Variants in EXOSC10 observed in about 807,000 individuals in gnomAD.
EXOSC10 encodes exosome component 10, also known as exosome complex component 10.
A neutral mutation model predicts 126.6 loss-of-function variants in EXOSC10; 94 were observed. The observed-to-expected ratio is 0.74, with a 90% CI of 0.63 to 0.88. The LOEUF (loss-of-function observed/expected upper bound fraction) is 0.88, where lower values mean the gene tolerates loss of function less well. EXOSC10 is among the 40% of genes least tolerant of loss of function. EXOSC10 has a pLI of 0.00. For missense variants in EXOSC10, 1,041 were observed against 1,100.5 expected (o/e 0.95, Z 0.77); for synonymous variants, 395 against 400.8 (o/e 0.99, Z 0.17).
At chr1:11,070,521 CAAAAAA>C (rs70977541) in intron 21 of EXOSC10, 5,428 of 112,738 alleles carry the variant, frequency 0.048, 193 homozygotes, top group African/African-American at 0.12. Context: ...GACACTACTT[CAAAAAA>C]AAAAAAAAAA....
chr1:11,081,062 T>C lies in EXOSC10; in HGVS notation c.1437+20A>G. On this transcript the variant is annotated intron_variant, in intron 11 of 24. Transcript: ENST00000376936. ...CAGAGCCCAAGTGTCGCGGTCTGTGTGACTGCGGCTGAGGTGTACCTTGAG... is the reference window on the plus strand; with the variant it reads ...CAGAGCCCAAGTGTCGCGGTCTGTGCGACTGCGGCTGAGGTGTACCTTGAG... The C allele has an allele frequency of 1.2e-6, 2 of 1,613,368 alleles. No homozygotes were observed. The highest frequency in any genetic ancestry group is 1.7e-6 in the Non-Finnish European group (2 of 1,179,504).
intron 6 of EXOSC10, among the ~76,000 whole-genome samples, chr1:11,088,447 A>T (rs542781893): frequency 5.9e-5 from 9 of 152,342 alleles, no homozygotes; most frequent in Admixed American, 5.9e-4. Flanking sequence ...GCAGCTTTAT[A>T]AAGATTTGAG....
intron 14 of EXOSC10, among the ~76,000 whole-genome samples, chr1:11,078,225 A>C (rs1166362884): frequency 1.3e-5 from 2 of 151,194 alleles, no homozygotes; most frequent in African/African-American, 4.9e-5. Flanking sequence ...TGATTGCACC[A>C]CTGCACTCCA....
At chr1:11,072,252 A>G in intron 19 of EXOSC10, 81 bp from the exon 20 acceptor site, 1 of 998,334 alleles carries the variant, frequency 1.0e-6, no homozygotes, top group South Asian at 1.4e-5. Flanking sequence ...GAGGTGACGA[A>G]GGGCAGGTTA....
chr1:11,068,758 A>G, intron 22 of EXOSC10, 52 bp from the exon 23 acceptor site: 1 of 1,425,736 alleles, frequency 7.0e-7, no homozygotes, highest in South Asian at 1.1e-5. Flanking sequence ...GAGTTACCAC[A>G]CATCACAGGC....
At chr1:11,099,569 G>A (rs979455565) in intron 1 of EXOSC10, 152 bp downstream of exon 1, 18 of 785,058 alleles carry the variant, frequency 2.3e-5, no homozygotes, top group Admixed American at 6.4e-5. Context: ...TCCCCGGAGG[G>A]TGCAGGAGAG....
At chr1:11,078,404 C>G (rs1289392884) in intron 14 of EXOSC10, among the ~76,000 whole-genome samples, 1 of 151,642 alleles carries the variant, frequency 6.6e-6, no homozygotes, top group Non-Finnish European at 1.5e-5. Flanking sequence ...ACTACAGGCG[C>G]CCGCCACTAC....
intron 22 of EXOSC10, chr1:11,069,042 C>T (rs930360687): frequency 8.5e-6 from 3 of 352,492 alleles, no homozygotes; most frequent in East Asian, 5.9e-5. Flanking sequence ...AGGCGACACT[C>T]CTGTATAAAG....
chr1:11,072,579 A>C, intron 19 of EXOSC10: 1 of 174,514 alleles, frequency 5.7e-6, no homozygotes, highest in East Asian at 1.6e-4. Flanking sequence ...ATGACACCCC[A>C]CGGACCTATG....
In EXOSC10 at chr1:11,095,758, C is replaced by T; in HGVS notation, c.372G>A (p.Val124=). 6.2e-7 allele frequency: 1 copy of T among 1,613,776 alleles called. No individual in the cohort carries two copies. The highest frequency in any genetic ancestry group is 1.1e-5 in the South Asian group (1 of 91,062). Residue 124 remains valine (V), a splice_region_variant and synonymous_variant, in exon 3 of 25, where the codon GTG becomes GTA. Transcript: ENST00000376936. ...AAAAAGAGTAAGGGAAAATACTCAC[C>T]ACTCTCTCCAGAATTACATCATTGG... ...VDANDVILER[V]GILLDEASGV...
rs563214059 is a variant in EXOSC10 at position 11,072,135 on chromosome 1, G to A, written c.2194C>T (p.Gln732Ter). Residue 732 changes from glutamine (Q) to a stop codon, truncating the protein, a stop_gained, in exon 20 of 25, where the codon CAA (glutamine) becomes TAA (stop). Transcript: ENST00000376936. LOFTEE classifies it high-confidence loss of function. ...NRWKLAQVQV[Q>*]KDSKEAVKKK... ...TTGACAGCTTCTTTAGAGTCTTTTT[G>A]TACTTGTACCTGGGCCAGCTTCCAG... is the stretch of plus-strand genomic sequence containing the variant. 6.2e-7 allele frequency: 1 copy of A among 1,613,700 alleles called. No homozygotes were observed. The highest frequency in any genetic ancestry group is 1.1e-5 in the South Asian group (1 of 90,992).
intron 3 of EXOSC10, among the ~76,000 whole-genome samples, chr1:11,094,645 G>A (rs1425372310): frequency 1.4e-5 from 2 of 146,246 alleles, no homozygotes; most frequent in Non-Finnish European, 3.0e-5. Context: ...CTGTCATCCA[G>A]GCTGGAGTGC....
chr1:11,072,068 G>A lies in EXOSC10; in HGVS notation c.2242+19C>T. On this transcript the variant is annotated intron_variant, in intron 20 of 24. Transcript: ENST00000376936. ...CCATTCTTTAACAGCCGACTGAGTT[G>A]CAAGGAAGTGAGTGTTACCTGTTTG... The A allele has an allele frequency of 6.3e-7, 1 of 1,597,336 alleles. No homozygotes were observed. Among genetic ancestry groups the A allele is most frequent in the African/African-American group, 1.3e-5 (1 of 74,480 alleles).
At chr1:11,070,100 G>C (rs1207078702) in intron 21 of EXOSC10, among the ~76,000 whole-genome samples, 1 of 151,886 alleles carries the variant, frequency 6.6e-6, no homozygotes, top group African/African-American at 2.4e-5. Context: ...AGCTGGGCAT[G>C]GTGGTGCGTG....
chr1:11,080,650 G>A (rs1324971354), intron 12 of EXOSC10, 101 bp from the exon 13 acceptor site: 5 of 1,602,038 alleles, frequency 3.1e-6, no homozygotes, highest in African/African-American at 2.7e-5. Context: ...ATTAGATGCT[G>A]TCACATAGGG....
Position 11,088,140 on chromosome 1 carries a change from G to A in EXOSC10, c.817C>T (p.Gln273Ter). The change falls in exon 7 of 25, where the codon CAA (glutamine) becomes TAA (stop). Residue 273 changes from glutamine (Q) to a stop codon, truncating the protein, a stop_gained. Transcript: ENST00000376936. LOFTEE classifies it high-confidence loss of function. ...GTACTAACCTGGGGTTGTGGCTTTT[G>A]AAGCACTGCATCTGCTGGGGTAAAG... Reference protein sequence around the residue: ...NHFTPADAVLQKPQPQLYRPI... With the variant: ...NHFTPADAVL The A allele has an allele frequency of 6.2e-7, 1 of 1,613,562 alleles. No homozygotes were observed. Among genetic ancestry groups the A allele is most frequent in the Non-Finnish European group, 8.5e-7 (1 of 1,179,782 alleles).
intron 9 of EXOSC10, among the ~76,000 whole-genome samples, chr1:11,083,966 T>A (rs1242981763): frequency 6.6e-6 from 1 of 152,236 alleles, no homozygotes; most frequent in Non-Finnish European, 1.5e-5. Flanking sequence ...CTCATCCTTT[T>A]TTATGGCTGC....
Position 11,090,535 on chromosome 1 carries a change from G to T in EXOSC10, c.758+19C>A. The T allele has an allele frequency of 6.3e-7, 1 of 1,599,380 alleles. No individual in the cohort carries two copies. The highest frequency in any genetic ancestry group is 8.6e-7 in the Non-Finnish European group (1 of 1,166,966). On this transcript the variant is annotated intron_variant, in intron 6 of 24. Transcript: ENST00000376936. The stretch of plus-strand genomic sequence containing the variant: ...GGTAAGTACTCACGGCAGAAAGTCA[G>T]ACACAGGCCAACACTTACATGTCTT...
chr1:11,088,207 AT>A lies in EXOSC10; in HGVS notation c.759-10del. On this transcript the variant is annotated splice_polypyrimidine_tract_variant and intron_variant, in intron 6 of 24. Transcript: ENST00000376936. ...GATAAGGATGTGCAAACCTGAGTAA[AT>A]AAAACAAAAAGAGAAATCATTCTGA... 1 of 1,594,354 alleles carries A rather than the reference AT, an allele frequency of 6.3e-7. No homozygotes were observed. Among genetic ancestry groups the A allele is most frequent in the Non-Finnish European group, 8.6e-7 (1 of 1,168,584 alleles).
Sources: allele counts gnomAD v4.1 joint callset (sites outside exome capture counted in the v4.1 genomes callset), GRCh38; gene constraint gnomAD v4.1.1; transcripts MANE v1.5; gene names NCBI Gene and HGNC (gene_info 2026-07-23, HGNC 2026-07-21).